Variants in SFTPC observed in about 807,000 individuals in gnomAD.
The protein encoded by SFTPC is BRICHOS domain containing 6.
SFTPC carries 12 observed loss-of-function variants against 19.9 expected under a neutral mutation model. That is an observed-to-expected ratio of 0.60 (90% CI 0.39 to 0.98). The LOEUF (loss-of-function observed/expected upper bound fraction) is 0.98. Among genes scored for constraint, SFTPC ranks in the 50% least tolerant of loss-of-function variants. SFTPC has a pLI of 0.00. For missense variants in SFTPC, 219 were observed against 252.2 expected (o/e 0.87, Z 0.89); for synonymous variants, 123 against 103.3 (o/e 1.19, Z -1.16).
Position 22,163,439 on chromosome 8 carries a change from C to A in SFTPC, c.328C>A (p.Leu110Met), listed in dbSNP as rs760567018. The A allele has an allele frequency of 6.2e-7, 1 of 1,613,266 alleles. No individual in the cohort carries two copies. The highest frequency in any genetic ancestry group is 8.5e-7 in the Non-Finnish European group (1 of 1,179,384). ...GLVVYDYQQL[L>M]IAYKPAPGTC... The stretch of plus-strand genomic sequence containing the variant: ...ATCTCCAGCATTCTGTGCCTAGCTG[C>A]TGATCGCCTACAAGCCAGCCCCTGG... The change falls in exon 4 of 6, where the codon CTG becomes ATG. Residue 110 changes from leucine to methionine, a missense_variant. Leu to Met is a conservative substitution (Grantham distance 15). Coordinates refer to ENST00000679463, the MANE Select transcript of SFTPC (RefSeq NM_001317778.2).
intron 2 of SFTPC, 113 bp from the exon 3 acceptor site, chr8:22,162,967 A>G: frequency 6.6e-7 from 1 of 1,508,562 alleles, no homozygotes; most frequent in South Asian, 1.2e-5. Context: ...AGCCTCCCTG[A>G]ACTCTTGGGA....
chr8:22,163,876 A>C, intron 4 of SFTPC, 25 bp from the exon 5 acceptor site: 1 of 1,602,346 alleles, frequency 6.2e-7, no homozygotes, highest in African/African-American at 1.3e-5. Flanking sequence ...CACTTCCTAC[A>C]TTCCAGATGG....
intron 1 of SFTPC, 80 bp from the exon 2 acceptor site, chr8:22,162,494 G>A (rs1290568690): frequency 5.3e-6 from 8 of 1,509,554 alleles, no homozygotes; most frequent in Non-Finnish European, 6.4e-6. Context: ...AGCCGTGGGA[G>A]GGTGTTCAGC....
upstream of SFTPC, among the ~76,000 whole-genome samples, chr8:22,158,089 G>A (rs1353272914): frequency 1.3e-5 from 2 of 152,172 alleles, no homozygotes; most frequent in Admixed American, 6.5e-5. Context: ...CATAGGCACG[G>A]GGCAAGGGGA....
At position 22,161,866 on chromosome 8, in the gene SFTPC, C is replaced by T. The variant is rs1827738719; in HGVS notation, c.38C>T (p.Pro13Leu). 4.3e-6 allele frequency: 7 copies of T among 1,613,784 alleles called. No individual in the cohort carries two copies. Among genetic ancestry groups the T allele is most frequent in the Non-Finnish European group, 5.9e-6 (7 of 1,179,990 alleles). ...VGSKEVLMES[P>L]PDYSAAPRGR... ...AGCAAAGAGGTCCTGATGGAGAGCC[C>T]GCCGGTGAGTGTGGTTGCGTGTGTG... The change falls in exon 1 of 6, where the codon CCG becomes CTG. Residue 13 changes from proline (P) to leucine (L), a missense_variant. Transcript: ENST00000679463.
upstream of SFTPC, among the ~76,000 whole-genome samples, chr8:22,157,980 T>A (rs1053705219): frequency 6.6e-6 from 1 of 152,176 alleles, no homozygotes; most frequent in Non-Finnish European, 1.5e-5. Flanking sequence ...CTCAATACTT[T>A]TTGAGAGTGT....
At chr8:22,162,487 C>A in intron 1 of SFTPC, 87 bp from the exon 2 acceptor site, 2 of 1,473,360 alleles carry the variant, frequency 1.4e-6, no homozygotes, top group Non-Finnish European at 1.9e-6. Context: ...CCTAGGCAGC[C>A]GTGGGAGGGT....
At chr8:22,163,285 C>G in intron 3 of SFTPC, 83 bp downstream of exon 3, 1 of 1,585,170 alleles carries the variant, frequency 6.3e-7, no homozygotes, top group East Asian at 2.2e-5. Flanking sequence ...TCATCCACAT[C>G]CATCTCTCCC....
In SFTPC at chr8:22,162,604, G is replaced by A. The variant is rs768626980; in HGVS notation, c.73G>A (p.Gly25Ser). The change falls in exon 2 of 6, where the codon GGC becomes AGC. Residue 25 changes from glycine (G) to serine (S), a missense_variant. Transcript: ENST00000679463. The stretch of plus-strand genomic sequence containing the variant: ...CTCCGCAGCTCCCCGGGGCCGATTT[G>A]GCATTCCCTGCTGCCCAGTGCACCT... ...DYSAAPRGRFGIPCCPVHLKR... is the reference protein window; with the variant it reads ...DYSAAPRGRFSIPCCPVHLKR... 1 of 1,614,140 alleles carries A rather than the reference G, an allele frequency of 6.2e-7. No homozygotes were observed. The highest frequency in any genetic ancestry group is 2.2e-5 in the East Asian group (1 of 44,890).
intron 5 of SFTPC, 95 bp from the exon 6 acceptor site, chr8:22,164,171 C>T (rs939172582): frequency 1.4e-5 from 22 of 1,542,698 alleles, no homozygotes; most frequent in Admixed American, 2.0e-5. Context: ...GAAGCGGGGT[C>T]ATCCAGGCAA....
intron 2 of SFTPC, 106 bp from the exon 3 acceptor site, chr8:22,162,974 G>GC (rs1827818296): frequency 6.5e-7 from 1 of 1,530,856 alleles, no homozygotes; most frequent in East Asian, 2.3e-5. Flanking sequence ...CTGAACTCTT[G>GC]GGAAAGAGGG....
Position 22,163,491 on chromosome 8 carries a change from C to A in SFTPC, c.380C>A (p.Ala127Asp). The change falls in exon 4 of 6, where the codon GCT becomes GAT. Residue 127 changes from alanine (A) to aspartate (D), a missense_variant. Physicochemically the swap from Ala to Asp is moderately radical, Grantham distance 126. Transcript: ENST00000679463. ...PGTCCYIMKI[A>D]PESIPSLEAL... ...ACCTGCTGCTACATCATGAAGATAG[C>A]TCCAGAGAGCATCCCCAGTCTTGAG... 6.2e-7 allele frequency: 1 copy of A among 1,614,064 alleles called. No homozygotes were observed. The highest frequency in any genetic ancestry group is 8.5e-7 in the Non-Finnish European group (1 of 1,179,998).
At position 22,161,807 on chromosome 8, in the gene SFTPC, A is replaced by C; in HGVS notation, c.-22A>C. 1 of 1,614,092 alleles carries C rather than the reference A, an allele frequency of 6.2e-7. No homozygotes were observed. The highest frequency in any genetic ancestry group is 8.5e-7 in the Non-Finnish European group (1 of 1,180,030). ...GTCACACCTGGGAGAGGAGGAGAGG[A>C]GAGCATAGCACCTGCAGCAAGATGG... On this transcript the variant is annotated 5_prime_UTR_variant, in exon 1 of 6. Transcript: ENST00000679463.
At chr8:22,161,692 C>T, upstream of SFTPC, 3 of 1,606,718 alleles carry the variant, frequency 1.9e-6, no homozygotes, top group Admixed American at 1.7e-5. Flanking sequence ...CAGGAACAAA[C>T]AGGCTTCAAA....
At position 22,161,852 on chromosome 8, in the gene SFTPC, C is replaced by G. The variant is rs144603526; in HGVS notation, c.24C>G (p.Val8=). 8.9e-4 allele frequency: 1,430 copies of G among 1,614,032 alleles called. 10 individuals carry two copies. Among genetic ancestry groups the G allele is most frequent in the Non-Finnish European group, 4.0e-4 (476 of 1,180,004 alleles). The change falls in exon 1 of 6, where the codon GTC becomes GTG. Residue 8 remains valine, a synonymous_variant. Coordinates refer to ENST00000679463, the MANE Select transcript of SFTPC (RefSeq NM_001317778.2). The part of the protein sequence containing the change: MDVGSKE[V]LMESPPDYSA... ...AGATGGATGTGGGCAGCAAAGAGGT[C>G]CTGATGGAGAGCCCGCCGGTGAGTG... is the stretch of plus-strand genomic sequence containing the variant.
chr8:22,159,763 T>C (rs1379312768), upstream of SFTPC: 4 of 1,288,788 alleles, frequency 3.1e-6, no homozygotes, highest in Non-Finnish European at 4.0e-6. Flanking sequence ...GAGAACAACA[T>C]GGCCCCCCGA....
At chr8:22,158,088 G>A (rs759466351), upstream of SFTPC, among the ~76,000 whole-genome samples, 49 of 152,272 alleles carry the variant, frequency 3.2e-4, no homozygotes, top group East Asian at 1.7e-3. Flanking sequence ...TCATAGGCAC[G>A]GGGCAAGGGG....
chr8:22,163,617 G>GACAAATAGCCACCATTC, intron 4 of SFTPC, 71 bp downstream of exon 4: 2 of 1,090,882 alleles, frequency 1.8e-6, no homozygotes, highest in Non-Finnish European at 2.8e-6. Context: ...TCCGAATGGT[G>GACAAATAGCCACCATTC]GCTATTTGTC....
intron 5 of SFTPC, 56 bp from the exon 6 acceptor site, chr8:22,164,210 T>G (rs1827935201): frequency 3.3e-6 from 5 of 1,522,150 alleles, no homozygotes; most frequent in Non-Finnish European, 4.4e-6. Context: ...CACAGACCGG[T>G]ACTTCCCACT....
Sources: gnomAD v4.1 joint callset for allele counts (sites outside exome capture counted in the v4.1 genomes callset) on GRCh38, gnomAD v4.1.1 for gene constraint, MANE v1.5 for transcripts, NCBI Gene and HGNC (gene_info 2026-07-23, HGNC 2026-07-21) for gene names.